The following PPP1CB variants were observed in gnomAD, a reference collection of about 807,000 sequenced individuals.
The protein encoded by PPP1CB is protein phosphatase 1 catalytic subunit beta, also known as serine/threonine-protein phosphatase PP1-beta catalytic subunit.
Under a neutral mutation model 43.7 loss-of-function variants are expected in PPP1CB, and 2 were observed. The observed-to-expected ratio is 0.05, with a 90% confidence interval of 0.02 to 0.14. The LOEUF is 0.14. PPP1CB is among the 10% of genes least tolerant of loss of function. PPP1CB has a pLI of 1.00. For missense variants in PPP1CB, 84 were observed against 398.0 expected (o/e 0.21, Z 6.71); for synonymous variants, 136 against 135.6 (o/e 1.00, Z -0.02).
At chr2:28,752,316 C>CCGAGGAGGGGG (rs1483118074) in intron 1 of PPP1CB, 140 bp downstream of exon 1, 2 of 823,882 alleles carry the variant, frequency 2.4e-6, no homozygotes, top group Non-Finnish European at 3.6e-6. Context: ...GGCGGACGAA[C>CCGAGGAGGGGG]CGAGGAGGGG....
At chr2:28,793,497 T>G (rs1421188331) in intron 6 of PPP1CB, among the ~76,000 whole-genome samples, 1 of 152,132 alleles carries the variant, frequency 6.6e-6, no homozygotes, top group Non-Finnish European at 1.5e-5. Flanking sequence ...GTAGATTAAT[T>G]AAAATAAAAT....
intron 1 of PPP1CB, among the ~76,000 whole-genome samples, chr2:28,771,671 G>T (rs11895787): frequency 0.14 from 20,951 of 152,106 alleles, 1,956 homozygotes; most frequent in African/African-American, 0.26. Flanking sequence ...TGAATCAACT[G>T]GGTATCTGCT....
intron 5 of PPP1CB, among the ~76,000 whole-genome samples, chr2:28,787,941 A>T (rs771736716): frequency 6.6e-6 from 1 of 152,176 alleles, no homozygotes; most frequent in Non-Finnish European, 1.5e-5. Flanking sequence ...CAGGGCTCCA[A>T]ACATTACCAA....
intron 1 of PPP1CB, 96 bp downstream of exon 1, chr2:28,752,272 C>T (rs1407982650): frequency 1.7e-6 from 2 of 1,175,434 alleles, no homozygotes; most frequent in East Asian, 2.9e-5. Context: ...GGACCCCTTT[C>T]CCGCCCCGAG....
At chr2:28,757,612 G>A (rs1403889390) in intron 1 of PPP1CB, among the ~76,000 whole-genome samples, 1 of 152,134 alleles carries the variant, frequency 6.6e-6, no homozygotes, top group African/African-American at 2.4e-5. Context: ...TTAGAAAAAA[G>A]AGCATGTTGG....
At chr2:28,762,795 A>G (rs1445816674) in intron 1 of PPP1CB, among the ~76,000 whole-genome samples, 1 of 152,226 alleles carries the variant, frequency 6.6e-6, no homozygotes, top group African/African-American at 2.4e-5. Flanking sequence ...CAGATGTTGA[A>G]ACAGCTTATT....
chr2:28,796,398 C>T (rs772945624), intron 7 of PPP1CB, among the ~76,000 whole-genome samples: 34 of 152,250 alleles, frequency 2.2e-4, no homozygotes, highest in Middle Eastern at 3.4e-3. Flanking sequence ...GAGATTTTAA[C>T]AATATTGATT....
intron 1 of PPP1CB, among the ~76,000 whole-genome samples, chr2:28,772,519 C>A (rs1666935939): frequency 6.6e-6 from 1 of 152,050 alleles, no homozygotes; most frequent in African/African-American, 2.4e-5. Flanking sequence ...ATAAACTGAC[C>A]CGAGCAGTTC....
At chr2:28,785,816 A>G (rs989733449) in intron 5 of PPP1CB, among the ~76,000 whole-genome samples, 1 of 152,048 alleles carries the variant, frequency 6.6e-6, no homozygotes, top group Non-Finnish European at 1.5e-5. Flanking sequence ...CTTTCAAAAA[A>G]CACCCAAAGT....
At chr2:28,783,617 T>C (rs2148053039) in intron 4 of PPP1CB, among the ~76,000 whole-genome samples, 1 of 152,070 alleles carries the variant, frequency 6.6e-6, no homozygotes, top group East Asian at 1.9e-4. Flanking sequence ...ATTAGCTGGA[T>C]GTGGTGGCGC....
chr2:28,788,333 G>T (rs1239957318), intron 5 of PPP1CB, among the ~76,000 whole-genome samples: 1 of 152,132 alleles, frequency 6.6e-6, no homozygotes, highest in South Asian at 2.1e-4. Flanking sequence ...TGGGTTGTTT[G>T]GTTATTCATA....
At chr2:28,755,405 CAG>C (rs1365689891) in intron 1 of PPP1CB, among the ~76,000 whole-genome samples, 5 of 152,158 alleles carry the variant, frequency 3.3e-5, no homozygotes, top group African/African-American at 9.7e-5. Flanking sequence ...TAATGTAAAA[CAG>C]AAATATTGAT....
At chr2:28,787,579 C>T (rs746120456) in intron 5 of PPP1CB, among the ~76,000 whole-genome samples, 1 of 152,234 alleles carries the variant, frequency 6.6e-6, no homozygotes, top group Non-Finnish European at 1.5e-5. Context: ...CTCCGTTACC[C>T]TCAATCACCA....
At chr2:28,774,124 A>C (rs952440237) in intron 1 of PPP1CB, among the ~76,000 whole-genome samples, 6 of 152,348 alleles carry the variant, frequency 3.9e-5, no homozygotes, top group Non-Finnish European at 5.9e-5. Flanking sequence ...TTACACAATT[A>C]CTTGAGAAGT....
At chr2:28,776,410 C>T (rs1007615547) in intron 1 of PPP1CB, among the ~76,000 whole-genome samples, 1 of 151,908 alleles carries the variant, frequency 6.6e-6, no homozygotes, top group Non-Finnish European at 1.5e-5. Flanking sequence ...TACAGGCATG[C>T]GCCACCACAC....
intron 6 of PPP1CB, among the ~76,000 whole-genome samples, chr2:28,791,318 G>GT (rs1410466399): frequency 3.4e-4 from 52 of 151,292 alleles, no homozygotes; most frequent in Admixed American, 1.7e-3. Context: ...TGGCAAAGTA[G>GT]TTTTTTGTTG....
chr2:28,797,007 TG>T (rs1194851422), intron 7 of PPP1CB, among the ~76,000 whole-genome samples: 1 of 152,156 alleles, frequency 6.6e-6, no homozygotes, highest in Non-Finnish European at 1.5e-5. Flanking sequence ...TGAATTGTAT[TG>T]AAAGCCTTTC....
intron 1 of PPP1CB, among the ~76,000 whole-genome samples, chr2:28,753,173 G>A (rs1029098745): frequency 1.3e-5 from 2 of 151,352 alleles, no homozygotes; most frequent in African/African-American, 4.8e-5. Flanking sequence ...TTTTGTGAGT[G>A]TGTAGAAAAG....
At chr2:28,788,543 C>G (rs1572466509) in intron 5 of PPP1CB, 115 bp from the exon 6 acceptor site, 1 of 1,122,152 alleles carries the variant, frequency 8.9e-7, no homozygotes. Flanking sequence ...AAGTGATGGT[C>G]ATTGTTTAGT....
Sources: gnomAD v4.1 joint callset for allele counts (sites outside exome capture counted in the v4.1 genomes callset) on GRCh38, gnomAD v4.1.1 for gene constraint, MANE v1.5 for transcripts, NCBI Gene and HGNC (gene_info 2026-07-23, HGNC 2026-07-21) for gene names.